The following USP7 variants were observed in gnomAD, a reference collection of about 807,000 sequenced individuals.
USP7 encodes ubiquitin C-terminal hydrolase 7.
Under a neutral mutation model 162.9 loss-of-function variants are expected in USP7, and 9 were observed. That is an observed-to-expected ratio of 0.06 (90% CI 0.03 to 0.10). USP7 has a LOEUF of 0.10. USP7 is among the 10% of genes least tolerant of loss of function. The pLI is 1.00. For synonymous variants in USP7, 562 were observed against 475.9 expected (o/e 1.18, Z -2.35); for missense variants, 715 against 1,373.7 (o/e 0.52, Z 7.58).
chr16:8,947,747 C>G (rs182871532), intron 1 of USP7, among the ~76,000 whole-genome samples: 1 of 152,166 alleles, frequency 6.6e-6, no homozygotes, highest in Non-Finnish European at 1.5e-5. Flanking sequence ...TTTAGGACTT[C>G]GACAGGATCC....
intron 1 of USP7, among the ~76,000 whole-genome samples, chr16:8,956,821 A>C (rs1374670315): frequency 6.6e-6 from 1 of 151,660 alleles, no homozygotes; most frequent in Non-Finnish European, 1.5e-5. Flanking sequence ...CCACAGGCAC[A>C]GGATAGTAAG....
At chr16:8,918,885 A>G in intron 6 of USP7, 146 bp downstream of exon 6, 1 of 764,396 alleles carries the variant, frequency 1.3e-6, no homozygotes, top group Non-Finnish European at 2.2e-6. Context: ...GCACTGGGGA[A>G]TGAAAACGCA....
intron 1 of USP7, among the ~76,000 whole-genome samples, chr16:8,942,593 G>C (rs1340028966): frequency 6.6e-6 from 1 of 152,210 alleles, no homozygotes; most frequent in Non-Finnish European, 1.5e-5. Flanking sequence ...TGTTGGGCAG[G>C]CTGGAGTGCA....
chr16:8,903,431 G>C (rs1208529348), intron 15 of USP7, 29 bp from the exon 16 acceptor site: 2 of 1,604,334 alleles, frequency 1.2e-6, no homozygotes, highest in Non-Finnish European at 1.7e-6. Context: ...GCACAGAAAA[G>C]ACTTGACAAC....
At chr16:8,956,766 AAAAC>A (rs1227350665) in intron 1 of USP7, among the ~76,000 whole-genome samples, 7 of 132,988 alleles carry the variant, frequency 5.3e-5, no homozygotes, top group African/African-American at 1.8e-4. Context: ...TCGTATTAAA[AAAAC>A]AAAAACAAAA....
chr16:8,908,096 G>GA (rs1424770424), intron 12 of USP7, among the ~76,000 whole-genome samples: 1 of 152,240 alleles, frequency 6.6e-6, no homozygotes, highest in Non-Finnish European at 1.5e-5. Context: ...AGCCATAGCT[G>GA]AGAGCAGGGC....
chr16:8,955,669 G>GCACTC (rs1428324749), intron 1 of USP7, among the ~76,000 whole-genome samples: 2 of 126,868 alleles, frequency 1.6e-5, no homozygotes, highest in African/African-American at 5.7e-5. Context: ...TCACACCACT[G>GCACTC]CACTCCAGCC....
intron 2 of USP7, among the ~76,000 whole-genome samples, chr16:8,923,761 T>C (rs1412607812): frequency 2.6e-5 from 4 of 152,236 alleles, no homozygotes; most frequent in Non-Finnish European, 5.9e-5. Context: ...AGGAACGACA[T>C]GGCTCATATC....
At chr16:8,956,694 C>A (rs922260368) in intron 1 of USP7, among the ~76,000 whole-genome samples, 8 of 151,370 alleles carry the variant, frequency 5.3e-5, no homozygotes, top group African/African-American at 1.9e-4. Flanking sequence ...ACCCAGGGGT[C>A]AGAGGTTGCA....
At chr16:8,911,949 G>T (rs1044746771) in intron 10 of USP7, among the ~76,000 whole-genome samples, 1 of 152,182 alleles carries the variant, frequency 6.6e-6, no homozygotes, top group African/African-American at 2.4e-5. Flanking sequence ...ACACCTGGGA[G>T]ACTCAGCTAA....
intron 1 of USP7, among the ~76,000 whole-genome samples, chr16:8,945,382 T>TCAAA (rs989292882): frequency 2.0e-5 from 3 of 152,168 alleles, no homozygotes; most frequent in African/African-American, 4.8e-5. Context: ...AGATGCTGTC[T>TCAAA]CAAACAAACA....
In USP7 at chr16:8,963,327, G is replaced by A. The variant is rs1000459298; in HGVS notation, c.-42C>T. 6.3e-5 allele frequency: 55 copies of A among 877,068 alleles called. No individual in the cohort carries two copies. Among genetic ancestry groups the A allele is most frequent in the Non-Finnish European group, 7.5e-5 (54 of 720,462 alleles). The allele number at this position is 877,068 out of a possible 1,614,324, so 54.3% of individuals were successfully genotyped here. ...GCCTCGCCTGCGGCCGGGGGCCGGG[G>A]CTGCGAGCCCGGCGGGCGGGCGGCG... On this transcript the variant is annotated 5_prime_UTR_variant, in exon 1 of 31. Transcript: ENST00000344836.
At chr16:8,948,281 C>T (rs925502827) in intron 1 of USP7, among the ~76,000 whole-genome samples, 1 of 152,218 alleles carries the variant, frequency 6.6e-6, no homozygotes, top group Non-Finnish European at 1.5e-5. Flanking sequence ...TTCCTGGGCT[C>T]AAGCAATCCT....
chr16:8,949,993 G>A (rs767095320), intron 1 of USP7, among the ~76,000 whole-genome samples: 1 of 152,220 alleles, frequency 6.6e-6, no homozygotes, highest in Admixed American at 6.5e-5. Flanking sequence ...AAACAGCAGT[G>A]CTGTCCCACC....
At chr16:8,908,158 C>T (rs1268898482) in intron 12 of USP7, among the ~76,000 whole-genome samples, 183 bp downstream of exon 12, 1 of 152,146 alleles carries the variant, frequency 6.6e-6, no homozygotes, top group East Asian at 1.9e-4. Context: ...CAGAGGTTGA[C>T]CTCTGAAACT....
intron 1 of USP7, among the ~76,000 whole-genome samples, chr16:8,944,562 T>C (rs1262791472): frequency 1.3e-5 from 2 of 152,116 alleles, no homozygotes; most frequent in African/African-American, 2.4e-5. Flanking sequence ...TAGTCAAACA[T>C]AACCAACTTC....
At chr16:8,959,334 CTCCTTT>C (rs1899917779) in intron 1 of USP7, among the ~76,000 whole-genome samples, 1 of 146,834 alleles carries the variant, frequency 6.8e-6, no homozygotes, top group Non-Finnish European at 1.5e-5. Context: ...TGACCTCTTT[CTCCTTT>C]TCCAAAACAC....
intron 2 of USP7, among the ~76,000 whole-genome samples, chr16:8,929,816 G>A (rs1898217000): frequency 6.6e-6 from 1 of 152,218 alleles, no homozygotes; most frequent in East Asian, 1.9e-4. Context: ...CCAAAACTCA[G>A]TGAGGGAGAA....
At chr16:8,921,350 AT>A in intron 3 of USP7, 55 bp from the exon 4 acceptor site, 1 of 1,584,496 alleles carries the variant, frequency 6.3e-7, no homozygotes, top group Non-Finnish European at 8.6e-7. Flanking sequence ...GATGTTATAC[AT>A]TTTTAAAGAC....
Sources: gnomAD v4.1 joint callset for allele counts (sites outside exome capture counted in the v4.1 genomes callset) on GRCh38, gnomAD v4.1.1 for gene constraint, MANE v1.5 for transcripts, NCBI Gene and HGNC (gene_info 2026-07-23, HGNC 2026-07-21) for gene names.